Variants in EIF3I observed in about 807,000 individuals in gnomAD.
EIF3I encodes TGF-beta receptor-interacting protein 1.
Under a neutral mutation model 43.3 loss-of-function variants are expected in EIF3I, and 20 were observed. The ratio of observed to expected loss-of-function variants is 0.46; its 90% confidence interval spans 0.32 to 0.67. EIF3I has a LOEUF of 0.67. EIF3I is among the 30% of genes least tolerant of loss of function. The probability of loss-of-function intolerance (pLI) is 0.03; values close to 1 mark genes in which losing one functional copy is unlikely to be tolerated. For missense variants in EIF3I, 279 were observed against 421.4 expected (o/e 0.66, Z 2.96); for synonymous variants, 167 against 151.7 (o/e 1.10, Z -0.74).
intron 2 of EIF3I, 65 bp from the exon 3 acceptor site, chr1:32,223,968 TG>T: frequency 6.7e-7 from 1 of 1,500,854 alleles, no homozygotes; most frequent in Non-Finnish European, 9.3e-7. Flanking sequence ...TGAGGGTTCC[TG>T]GGGCAAAATA....
rs753926762 is a variant in EIF3I, at chr1:32,229,052, G to A, written c.730-83G>A. ...ATCCTCCCATTGAGCCGTGTGAGAT[G>A]TTAAAAATGTATATGGCAGCAGAAA... On this transcript the variant is annotated intron_variant, in intron 8 of 11. Transcript: ENST00000676679. 213 of 1,451,596 alleles carry A rather than the reference G, an allele frequency of 1.5e-4. 1 individual carries two copies. Among genetic ancestry groups the A allele is most frequent in the Non-Finnish European group, 1.9e-4 (202 of 1,055,066 alleles). The allele number at this position is 1,451,596 out of a possible 1,614,324, so 89.9% of individuals were successfully genotyped here. A position where few individuals can be genotyped will look rare whatever the true frequency, so the allele number is the denominator to read the frequency against.
downstream of EIF3I, chr1:32,231,347 C>G: frequency 1.5e-6 from 1 of 659,568 alleles, no homozygotes; most frequent in South Asian, 1.8e-5. Flanking sequence ...AAAAATTAGC[C>G]AGGCATGGTG....
intron 5 of EIF3I, 23 bp from the exon 6 acceptor site, chr1:32,226,380 C>T: frequency 6.2e-7 from 1 of 1,611,026 alleles, no homozygotes; most frequent in Non-Finnish European, 8.5e-7. Flanking sequence ...AGCCCAGGGC[C>T]TAACATCTAC....
rs368937076 is a variant in EIF3I, at chr1:32,222,681, A to T, written c.96+51A>T. 1.9e-3 allele frequency: 2,917 copies of T among 1,571,394 alleles called. 4 individuals carry two copies. Among genetic ancestry groups the T allele is most frequent in the Non-Finnish European group, 2.3e-3 (2,645 of 1,141,998 alleles). On this transcript the variant is annotated intron_variant, in intron 2 of 11. Coordinates refer to ENST00000676679, the Ensembl canonical transcript of EIF3I. ...GGAGGGGCGGGATCCTTCTGCCAGGACGATGGGTGGACACGCCAGTTTTGC... is the reference window on the plus strand; with the variant it reads ...GGAGGGGCGGGATCCTTCTGCCAGGTCGATGGGTGGACACGCCAGTTTTGC...
rs1639123294 is a variant in EIF3I at position 32,225,155 on chromosome 1, T to C, written c.250+680T>C. ...GGCCACCAGCTAATTTTTGTATTTTTAGTAGAGACAGGGTTTCACCATGTT... is the reference window on the plus strand; with the variant it reads ...GGCCACCAGCTAATTTTTGTATTTTCAGTAGAGACAGGGTTTCACCATGTT... On this transcript the variant is annotated intron_variant, in intron 4 of 11. Transcript: ENST00000676679. Among the ~76,000 whole-genome samples the C allele has an allele frequency of 3.3e-5, 5 of 152,008 alleles. No homozygotes were observed. The South Asian group carries it at 1.0e-3, about 32-fold the overall frequency.
chr1:32,231,242 C>T (rs1367389741), exon 12 of EIF3I: 8 of 1,583,518 alleles, frequency 5.1e-6, no homozygotes, highest in Non-Finnish European at 6.9e-6. Flanking sequence ...CCTGTAATCC[C>T]ACCACTTTTT....
At chr1:32,225,715 G>A (rs1158564561) in intron 4 of EIF3I, among the ~76,000 whole-genome samples, 2 of 146,064 alleles carry the variant, frequency 1.4e-5, no homozygotes, top group African/African-American at 5.1e-5. Flanking sequence ...CAGGACAAGA[G>A]CGAAACTCCA....
chr1:32,233,436 G>A (rs761597862), downstream of EIF3I, among the ~76,000 whole-genome samples: 1 of 152,144 alleles, frequency 6.6e-6, no homozygotes, highest in South Asian at 2.1e-4. Context: ...TTACAGGTGT[G>A]AGCCACCGTG....
chr1:32,222,432 C>T (rs763168942), exon 1 of EIF3I: 8 of 1,597,332 alleles, frequency 5.0e-6, no homozygotes, highest in Non-Finnish European at 5.1e-6. Context: ...TTCCTCGCGT[C>T]ACAGCCGGGA....
chr1:32,228,955 T>C (rs376695527), intron 8 of EIF3I, 139 bp downstream of exon 8: 3 of 1,059,640 alleles, frequency 2.8e-6, no homozygotes, highest in East Asian at 2.4e-5. Flanking sequence ...GTGACAAAGC[T>C]GGAAGGATTG....
At chr1:32,224,781 C>A (rs919890301) in intron 4 of EIF3I, among the ~76,000 whole-genome samples, 1 of 151,692 alleles carries the variant, frequency 6.6e-6, no homozygotes, top group Non-Finnish European at 1.5e-5. Flanking sequence ...AGGGATTCTC[C>A]TGTCTCAGCC....
At chr1:32,231,495 A>G (rs1639236462), downstream of EIF3I, 1 of 248,482 alleles carries the variant, frequency 4.0e-6, no homozygotes, top group Non-Finnish European at 7.8e-6. Flanking sequence ...CCGTCTCAAA[A>G]AAAAAAAAGA....
chr1:32,222,872 G>A (rs570312208), intron 2 of EIF3I, among the ~76,000 whole-genome samples: 1 of 152,306 alleles, frequency 6.6e-6, no homozygotes, highest in East Asian at 1.9e-4. Flanking sequence ...CGAGGTGGGA[G>A]GGTCGCTTGA....
intron 6 of EIF3I, among the ~76,000 whole-genome samples, chr1:32,227,313 T>G (rs1374101873): frequency 6.6e-6 from 1 of 151,192 alleles, no homozygotes; most frequent in Admixed American, 6.6e-5. Context: ...AATAAAAAAT[T>G]TTAAAAAGAG....
downstream of EIF3I, chr1:32,234,861 G>A (rs976005522): frequency 4.6e-5 from 7 of 152,424 alleles, no homozygotes; most frequent in Admixed American, 3.3e-4. Flanking sequence ...CCCAGTTCTA[G>A]GCTATATTTG....
intron 3 of EIF3I, 45 bp from the exon 4 acceptor site, chr1:32,224,365 C>G (rs1639106694): frequency 7.1e-6 from 11 of 1,553,432 alleles, no homozygotes; most frequent in Non-Finnish European, 8.0e-6. Flanking sequence ...CCCAAGAGGA[C>G]AAGGGCTCGG....
rs1312142805 is a variant in EIF3I at position 32,231,204 on chromosome 1, G to C, written c.*8G>C. 5 of 1,612,888 alleles carry C rather than the reference G, an allele frequency of 3.1e-6. No homozygotes were observed. The South Asian group carries it at 5.5e-5, about 18-fold the overall frequency. On this transcript the variant is annotated 3_prime_UTR_variant, in exon 12 of 12. Transcript: ENST00000676679. ...TTTGAGTTTGAGGCTTAAGAAGCTG[G>C]ATCTCCTGCCGGGCGTGGTGGCTCA...
chr1:32,224,448 A>C, exon 4 of EIF3I: 1 of 1,613,756 alleles, frequency 6.2e-7, no homozygotes, highest in South Asian at 1.1e-5. Context: ...AGCTGACAAC[A>C]GCTGTCGTCT....
chr1:32,232,973 T>TA (rs1639259638), downstream of EIF3I, among the ~76,000 whole-genome samples: 1 of 152,106 alleles, frequency 6.6e-6, no homozygotes, highest in African/African-American at 2.4e-5. Flanking sequence ...ATAATAAAAA[T>TA]ACCACTTCTT....
Sources: gnomAD v4.1 joint callset for allele counts (sites outside exome capture counted in the v4.1 genomes callset) on GRCh38, gnomAD v4.1.1 for gene constraint, MANE v1.5 for transcripts, NCBI Gene and HGNC (gene_info 2026-07-23, HGNC 2026-07-21) for gene names.